The following MED1 variants were observed in gnomAD, a reference collection of about 807,000 sequenced individuals.
MED1 encodes the protein mediator of RNA polymerase II transcription subunit 1.
In MED1, 17 loss-of-function variants were observed where a neutral mutation model predicts 121.3. The observed-to-expected ratio is 0.14, with a 90% confidence interval of 0.10 to 0.21. MED1 has a LOEUF of 0.21. MED1 is among the 10% of genes least tolerant of loss of function. The probability of loss-of-function intolerance (pLI) is 1.00; values close to 1 mark genes in which losing one functional copy is unlikely to be tolerated. For synonymous variants in MED1, 661 were observed against 694.4 expected, an observed-to-expected ratio of 0.95 and a Z score of 0.76; for missense variants, 1,558 against 1,919.4, an observed-to-expected ratio of 0.81 and a Z score of 3.52.
rs1176153449 is a variant in MED1 at position 39,404,613 on chromosome 17, A to C, written c.*2862T>G. The C allele has an allele frequency of 6.6e-6, 1 of 152,222 alleles. No homozygotes were observed. The highest frequency in any genetic ancestry group is 1.5e-5 in the Non-Finnish European group (1 of 67,994). 9.4% of individuals were successfully genotyped at this position (152,222 alleles called of 1,614,324 possible). On this transcript the variant is annotated 3_prime_UTR_variant, in exon 17 of 17. Transcript: ENST00000300651. Reference sequence around the variant, plus strand: ...TCAAGGATAGAAATGTATGGGGGGCAGGGGAGGAGGGGAGAAGGAAAAAAA... The same window carrying C: ...TCAAGGATAGAAATGTATGGGGGGCCGGGGAGGAGGGGAGAAGGAAAAAAA...
chr17:39,432,524 G>C (rs2048574748), intron 7 of MED1, among the ~76,000 whole-genome samples: 1 of 151,594 alleles, frequency 6.6e-6, no homozygotes, highest in Admixed American at 6.6e-5. Context: ...GAGGAGGGCA[G>C]ATTGCCTGAG....
chr17:39,415,379 A>T, intron 14 of MED1, 40 bp from the exon 15 acceptor site: 1 of 1,536,432 alleles, frequency 6.5e-7, no homozygotes, highest in South Asian at 1.1e-5. Flanking sequence ...AACCAAATAT[A>T]AGACTTCACA....
At chr17:39,415,592 C>G (rs1175804298) in intron 14 of MED1, among the ~76,000 whole-genome samples, 1 of 152,076 alleles carries the variant, frequency 6.6e-6, no homozygotes, top group Non-Finnish European at 1.5e-5. Flanking sequence ...GGGCTCATCA[C>G]CTGAGGTCAG....
In MED1 at chr17:39,407,389, C is replaced by G; in HGVS notation, c.*86G>C. ...GGATTCTTAACCAAATCAGACCTGT[C>G]TGACTCACCCCTTATGGTGGTTTGC... On this transcript the variant is annotated 3_prime_UTR_variant, in exon 17 of 17. Coordinates refer to ENST00000300651, the MANE Select transcript of MED1 (RefSeq NM_004774.4). 6.8e-7 allele frequency: 1 copy of G among 1,471,566 alleles called. No individual in the cohort carries two copies. The highest frequency in any genetic ancestry group is 9.0e-7 in the Non-Finnish European group (1 of 1,113,672). The allele number at this position is 1,471,566 out of a possible 1,614,324, so 91.2% of individuals were successfully genotyped here.
chr17:39,406,401 T>C lies in MED1; in HGVS notation c.*1074A>G, dbSNP rs1246609395. On this transcript the variant is annotated 3_prime_UTR_variant, in exon 17 of 17. Coordinates refer to ENST00000300651, the MANE Select transcript of MED1 (RefSeq NM_004774.4). ...CTCTTAGGAATGGCATCAGTTCTCCTGCAAACAAAATGCTGGGATGCAGAC... is the reference window on the plus strand; with the variant it reads ...CTCTTAGGAATGGCATCAGTTCTCCCGCAAACAAAATGCTGGGATGCAGAC... 45 of 985,302 alleles carry C rather than the reference T, an allele frequency of 4.6e-5. No individual in the cohort carries two copies. The highest frequency in any genetic ancestry group is 5.4e-5 in the Non-Finnish European group (45 of 829,940). 61.0% of individuals were successfully genotyped at this position (985,302 alleles called of 1,614,324 possible). A position where few individuals can be genotyped will look rare whatever the true frequency, so the allele number is the denominator to read the frequency against.
Position 39,439,089 on chromosome 17 carries a change from T to C in MED1, c.428+76A>G, listed in dbSNP as rs1203884458. ...ACTTGTTCCTGAGGAGAATAACTTC[T>C]GACCAGTCTTAAAAGCCAGCTGTAA... is the stretch of plus-strand genomic sequence containing the variant. On this transcript the variant is annotated intron_variant, in intron 6 of 16. Coordinates refer to ENST00000300651, the MANE Select transcript of MED1 (RefSeq NM_004774.4). 6.1e-6 allele frequency: 8 copies of C among 1,309,216 alleles called. No homozygotes were observed. In the South Asian group the frequency reaches 9.1e-5, roughly 15 times the overall value. The allele number at this position is 1,309,216 out of a possible 1,614,324, so 81.1% of individuals were successfully genotyped here.
chr17:39,408,436 G>A lies in MED1; in HGVS notation c.3785C>T (p.Ser1262Leu), dbSNP rs758324796. The A allele has an allele frequency of 1.2e-5, 19 of 1,614,060 alleles. No individual in the cohort carries two copies. The highest frequency in any genetic ancestry group is 5.5e-5 in the South Asian group (5 of 91,090). The change falls in exon 17 of 17, where the codon TCA becomes TTA. Residue 1262 changes from serine to leucine, a missense_variant. By Grantham distance (145) the Ser-to-Leu change is moderately radical (BLOSUM62 -2). This residue lies in a region of MED1 where 793 missense variants were observed against 898.2 expected (regional missense o/e 0.88). Transcript: ENST00000300651. This position sits in a 1 kb window ranked among gnomAD's most constrained non-coding sequence, Gnocchi z 4.7. ...SGSLSQKTPP[S>L]SNSCTASSSS... ...GGAAGATGCCGTACAGGAATTAGAT[G>A]ATGGGGGAGTTTTCTGGGACAACGA...
intron 9 of MED1, among the ~76,000 whole-genome samples, chr17:39,428,736 A>G (rs2048537705): frequency 6.6e-6 from 1 of 151,918 alleles, no homozygotes; most frequent in South Asian, 2.1e-4. Flanking sequence ...GCAGATCACG[A>G]GGTCAGGAGA....
chr17:39,435,997 G>A (rs1419306786), intron 6 of MED1, among the ~76,000 whole-genome samples: 5 of 151,848 alleles, frequency 3.3e-5, no homozygotes, highest in Non-Finnish European at 5.9e-5. Flanking sequence ...GCTTGAACCC[G>A]GGAGGGGGAG....
rs186381284 is a variant in MED1, at chr17:39,405,745, A to G, written c.*1730T>C. ...GGCAGAGTTGTTGAGAGCTGATGACAATAAAAAGGAGAACACTAGAGGAAA... is the reference window on the plus strand; with the variant it reads ...GGCAGAGTTGTTGAGAGCTGATGACGATAAAAAGGAGAACACTAGAGGAAA... On this transcript the variant is annotated 3_prime_UTR_variant, in exon 17 of 17. Coordinates refer to ENST00000300651, the MANE Select transcript of MED1 (RefSeq NM_004774.4). 3.9e-5 allele frequency: 39 copies of G among 988,642 alleles called. 1 individual carries two copies. The Admixed American group carries it at 1.5e-3, about 38-fold the overall frequency. The allele number at this position is 988,642 out of a possible 1,614,324, so 61.2% of individuals were successfully genotyped here. A position where few individuals can be genotyped will look rare whatever the true frequency, so the allele number is the denominator to read the frequency against.
At chr17:39,438,233 A>G (rs2048638614) in intron 6 of MED1, among the ~76,000 whole-genome samples, 1 of 148,592 alleles carries the variant, frequency 6.7e-6, no homozygotes, top group African/African-American at 2.5e-5. Flanking sequence ...GTGCAGTGGC[A>G]CGATCTCAGC....
chr17:39,442,598 GA>G (rs34492410), intron 3 of MED1, among the ~76,000 whole-genome samples: 34,765 of 65,908 alleles, frequency 0.53, 8,618 homozygotes, highest in South Asian at 0.79. Flanking sequence ...CACCGTCTCG[GA>G]AAAAAAAAAA....
intron 1 of MED1, among the ~76,000 whole-genome samples, chr17:39,450,357 G>T (rs1456897470): frequency 6.6e-6 from 1 of 152,150 alleles, no homozygotes; most frequent in Non-Finnish European, 1.5e-5. Context: ...ACTATTACGT[G>T]CCAGAAACTA....
intron 1 of MED1, among the ~76,000 whole-genome samples, chr17:39,449,505 AT>A (rs1267975182): frequency 3.1e-5 from 4 of 128,410 alleles, no homozygotes; most frequent in African/African-American, 5.5e-5. Context: ...TTTATTTTCA[AT>A]TTTTTTTCTT....
At chr17:39,441,600 T>C (rs1450903180) in intron 3 of MED1, among the ~76,000 whole-genome samples, 2 of 152,042 alleles carry the variant, frequency 1.3e-5, no homozygotes, top group African/African-American at 4.8e-5. Context: ...TGAAACCCTG[T>C]CTCTAATAAA....
chr17:39,410,592 A>T lies in MED1; in HGVS notation c.1629T>A (p.Ala543=). Residue 543 remains alanine (A), a synonymous_variant, in exon 17 of 17, where the codon GCT becomes GCA. Transcript: ENST00000300651. The part of the protein sequence containing the change: ...EDMVKKNLPP[A]SSPGYGMTTG... Reference sequence around the variant, plus strand: ...TGGTCATGCCATACCCTGGGCTGCTAGCCGGGGGCAGGTTCTTTTTCACCA... The same window carrying T: ...TGGTCATGCCATACCCTGGGCTGCTTGCCGGGGGCAGGTTCTTTTTCACCA... 1 of 1,614,184 alleles carries T rather than the reference A, an allele frequency of 6.2e-7. No individual in the cohort carries two copies. The highest frequency in any genetic ancestry group is 8.5e-7 in the Non-Finnish European group (1 of 1,180,036).
rs759257301 is a variant in MED1, at chr17:39,419,706, A to G, written c.1297+11T>C. 1 of 1,602,888 alleles carries G rather than the reference A, an allele frequency of 6.2e-7. No homozygotes were observed. The highest frequency in any genetic ancestry group is 8.5e-7 in the Non-Finnish European group (1 of 1,169,914). ...CATCTTCCAGTAAGCATATCAAAGG[A>G]AAGGCAGTACCTTCTTTCAGAATAG... On this transcript the variant is annotated intron_variant, in intron 14 of 16. Coordinates refer to ENST00000300651, the MANE Select transcript of MED1 (RefSeq NM_004774.4).
At position 39,404,824 on chromosome 17, in the gene MED1, C is replaced by T. The variant is rs1364597279; in HGVS notation, c.*2651G>A. The T allele has an allele frequency of 6.5e-6, 1 of 154,446 alleles. No individual in the cohort carries two copies. The highest frequency in any genetic ancestry group is 1.4e-5 in the Non-Finnish European group (1 of 69,444). 9.6% of individuals were successfully genotyped at this position (154,446 alleles called of 1,614,324 possible). On this transcript the variant is annotated 3_prime_UTR_variant, in exon 17 of 17. Coordinates refer to ENST00000300651, the MANE Select transcript of MED1 (RefSeq NM_004774.4). Reference sequence around the variant, plus strand: ...TCTTTCAAGAGTCACCAACCTCAAGCCTGGTTTTGGCAATTATATCCTGCG... The same window carrying T: ...TCTTTCAAGAGTCACCAACCTCAAGTCTGGTTTTGGCAATTATATCCTGCG...
At position 39,406,903 on chromosome 17, in the gene MED1, A is replaced by T. The variant is rs2048307819; in HGVS notation, c.*572T>A. 4.1e-6 allele frequency: 4 copies of T among 985,910 alleles called. No individual in the cohort carries two copies. The South Asian group carries it at 1.9e-4, about 46-fold the overall frequency. The allele number at this position is 985,910 out of a possible 1,614,324, so 61.1% of individuals were successfully genotyped here. The stretch of plus-strand genomic sequence containing the variant: ...AATATTACAAATAAATAGCTAAAAT[A>T]ATCTTCCCTCCCCCAGTCACTCCTA... On this transcript the variant is annotated 3_prime_UTR_variant, in exon 17 of 17. Transcript: ENST00000300651.
Sources: allele counts gnomAD v4.1 joint callset (sites outside exome capture counted in the v4.1 genomes callset), GRCh38; gene constraint gnomAD v4.1.1; regional missense constraint gnomAD v4.1.1; non-coding constraint Gnocchi (gnomAD v3.1); transcripts MANE v1.5; gene names NCBI Gene and HGNC (gene_info 2026-07-23, HGNC 2026-07-21).